TCF4: variants seen among roughly 807,000 people sequenced by gnomAD.
TCF4 encodes SL3-3 enhancer factor 2.
TCF4 carries 3 observed loss-of-function variants against 82.1 expected under a neutral mutation model. That is an observed-to-expected ratio of 0.04 (90% confidence interval 0.02 to 0.09). The LOEUF (loss-of-function observed/expected upper bound fraction) is 0.09. Ranked by LOEUF, TCF4 falls within the 10% of genes least tolerant of loss-of-function variation. The probability of loss-of-function intolerance (pLI) is 1.00; values close to 1 mark genes in which losing one functional copy is unlikely to be tolerated. For missense variants in TCF4, 518 were observed against 852.7 expected (o/e 0.61, Z 4.89); for synonymous variants, 276 against 309.6 (o/e 0.89, Z 1.14).
At chr18:55,471,867 T>C (rs1394889452) in intron 3 of TCF4, among the ~76,000 whole-genome samples, 1 of 152,164 alleles carries the variant, frequency 6.6e-6, no homozygotes, top group East Asian at 1.9e-4. Context: ...AGCTAATGGA[T>C]TTCCTAACCA....
chr18:55,321,020 T>G (rs2075350025), intron 8 of TCF4: 1 of 152,624 alleles, frequency 6.6e-6, no homozygotes, highest in African/African-American at 2.4e-5. Context: ...ACAGCACAAA[T>G]AACTTATGAC....
intron 2 of TCF4, chr18:55,585,726 T>C (rs2097637546): frequency 9.2e-7 from 1 of 1,091,204 alleles, no homozygotes; most frequent in South Asian, 2.9e-5. Context: ...TTGAAAACCT[T>C]GGCCATAAAC....
intron 6 of TCF4, among the ~76,000 whole-genome samples, chr18:55,386,701 C>A (rs545609325): frequency 6.6e-6 from 1 of 152,194 alleles, no homozygotes; most frequent in Non-Finnish European, 1.5e-5. Context: ...CTACTCTTCC[C>A]CATGCACAGC....
chr18:55,576,939 C>T (rs2097532905), intron 3 of TCF4, among the ~76,000 whole-genome samples: 1 of 151,444 alleles, frequency 6.6e-6, no homozygotes, highest in Non-Finnish European at 1.5e-5. Flanking sequence ...TCCAGTGTAG[C>T]CCAGGGAAGC....
At chr18:55,442,823 A>G (rs938087522) in intron 5 of TCF4, among the ~76,000 whole-genome samples, 2 of 152,250 alleles carry the variant, frequency 1.3e-5, no homozygotes, top group African/African-American at 4.8e-5. Context: ...ACAAACGTGC[A>G]AAGAACTTTA....
chr18:55,390,233 C>T (rs1405366917), intron 6 of TCF4, among the ~76,000 whole-genome samples: 2 of 144,536 alleles, frequency 1.4e-5, no homozygotes, highest in African/African-American at 5.2e-5. Context: ...GGGAGGATCA[C>T]TCTGGCCGGG....
chr18:55,255,423 C>T (rs750623179), intron 14 of TCF4, among the ~76,000 whole-genome samples: 2 of 152,192 alleles, frequency 1.3e-5, no homozygotes, highest in African/African-American at 2.4e-5. Flanking sequence ...AAAGCCCCAA[C>T]TATAGCATAG....
At chr18:55,448,489 T>A (rs974009738) in intron 5 of TCF4, among the ~76,000 whole-genome samples, 4 of 152,264 alleles carry the variant, frequency 2.6e-5, no homozygotes, top group Admixed American at 2.6e-4. Flanking sequence ...CTAAATGGCC[T>A]AGCAAATGCA....
At chr18:55,622,706 C>A (rs1345610892) in intron 2 of TCF4, among the ~76,000 whole-genome samples, 1 of 152,052 alleles carries the variant, frequency 6.6e-6, no homozygotes, top group Non-Finnish European at 1.5e-5. Flanking sequence ...AACTGGGTCT[C>A]CAGATTTTCC....
intron 5 of TCF4, among the ~76,000 whole-genome samples, chr18:55,413,046 T>C (rs982945598): frequency 1.1e-4 from 17 of 152,288 alleles, no homozygotes; most frequent in African/African-American, 3.8e-4. Flanking sequence ...AAGCTAAGTT[T>C]ACAGTGAACA....
At chr18:55,466,546 T>C (rs2096024995) in intron 3 of TCF4, among the ~76,000 whole-genome samples, 1 of 152,062 alleles carries the variant, frequency 6.6e-6, no homozygotes, top group Admixed American at 6.6e-5. Flanking sequence ...ATAAAAATTG[T>C]GTTGAGATTG....
Position 55,321,457 on chromosome 18 carries a change from T to G in TCF4, c.549+28902A>C, listed in dbSNP as rs2075461453. On this transcript the variant is annotated intron_variant, in intron 8 of 19. Coordinates refer to ENST00000354452, the MANE Select transcript of TCF4 (RefSeq NM_001083962.2). ...AAAGCTCTGAAAGCATCTATTTTTCTACTCTGGGGGAGGAGTGGGGGGAAA... is the reference window on the plus strand; with the variant it reads ...AAAGCTCTGAAAGCATCTATTTTTCGACTCTGGGGGAGGAGTGGGGGGAAA... 10 of 700,432 alleles carry G rather than the reference T, an allele frequency of 1.4e-5. No individual in the cohort carries two copies. In the South Asian group the frequency reaches 1.6e-4, roughly 11 times the overall value. 43.4% of individuals were successfully genotyped at this position (700,432 alleles called of 1,614,324 possible). A position where few individuals can be genotyped will look rare whatever the true frequency, so the allele number is the denominator to read the frequency against.
At chr18:55,442,929 A>G (rs2095465521) in intron 5 of TCF4, among the ~76,000 whole-genome samples, 1 of 152,202 alleles carries the variant, frequency 6.6e-6, no homozygotes, top group African/African-American at 2.4e-5. Flanking sequence ...CACTGGTATA[A>G]ATGAACCAAG....
rs544926300 is a variant in TCF4, at chr18:55,429,325, G to A, written c.305-25807C>T. On this transcript the variant is annotated intron_variant, in intron 5 of 19. Transcript: ENST00000354452. ...CCACAGAAGTTCCAAGTCCTGCCAC[G>A]TTTTTGCCCAACATGAATGACTATA... 7.9e-5 allele frequency among the ~76,000 whole-genome samples: 12 copies of A among 152,232 alleles called. No individual in the cohort carries two copies. The South Asian group carries it at 1.7e-3, about 21-fold the overall frequency.
At position 55,635,888 on chromosome 18, in the gene TCF4, T is replaced by A. The variant is rs566668154; in HGVS notation, c.10A>T (p.Lys4Ter). Reference sequence around the variant, plus strand: ...ACCTGTGGTATTTTCTCCAGCCTTTTAGAAAACATGGTGTTGTTCCTTTGG... The same window carrying A: ...ACCTGTGGTATTTTCTCCAGCCTTTAAGAAAACATGGTGTTGTTCCTTTGG... Residue 4 changes from lysine (K) to a stop codon, truncating the protein, a stop_gained, in exon 1 of 21, where the codon AAA becomes TAA. Transcript: ENST00000398339. LOFTEE classifies it high-confidence loss of function. The A allele has an allele frequency of 7.6e-6, 12 of 1,569,628 alleles. No individual in the cohort carries two copies. In the African/African-American group the frequency reaches 1.4e-4, roughly 18 times the overall value.
intron 3 of TCF4, among the ~76,000 whole-genome samples, chr18:55,556,555 A>G (rs1232259085): frequency 1.3e-5 from 2 of 152,160 alleles, no homozygotes; most frequent in Non-Finnish European, 2.9e-5. Context: ...GGGTTTCACC[A>G]TGTCACCCAG....
rs373595225 is a variant in TCF4, at chr18:55,507,105, C to T, written c.146-42968G>A. 4.0e-4 allele frequency among the ~76,000 whole-genome samples: 61 copies of T among 152,246 alleles called. 1 individual carries two copies. The South Asian group carries it at 9.5e-3, about 24-fold the overall frequency. ...CTCGATCTCTTGACCTCAGGTGATC[C>T]GCCCGCCTTGGCCTCCCAAAGTGCT... On this transcript the variant is annotated intron_variant, in intron 3 of 19. Transcript: ENST00000354452.
chr18:55,433,384 C>T (rs1224595909), intron 5 of TCF4, among the ~76,000 whole-genome samples: 7 of 152,206 alleles, frequency 4.6e-5, no homozygotes, highest in Non-Finnish European at 7.3e-5. Flanking sequence ...CTACTGTTCC[C>T]AGATTAGGAT....
intron 6 of TCF4, among the ~76,000 whole-genome samples, chr18:55,389,008 C>G (rs1046640895): frequency 1.3e-5 from 2 of 151,806 alleles, no homozygotes; most frequent in African/African-American, 4.8e-5. Flanking sequence ...CGCCTGTGGT[C>G]CCAGCTACTC....
Sources: gnomAD v4.1 joint callset for allele counts (sites outside exome capture counted in the v4.1 genomes callset) on GRCh38, gnomAD v4.1.1 for gene constraint, MANE v1.5 for transcripts, NCBI Gene and HGNC (gene_info 2026-07-23, HGNC 2026-07-21) for gene names.